CACNA2D2: variants seen among roughly 807,000 people sequenced by gnomAD.
CACNA2D2 encodes the protein voltage-dependent calcium channel subunit alpha-2/delta-2.
In CACNA2D2, 48 loss-of-function variants were observed where a neutral mutation model predicts 166.4. The ratio of observed to expected loss-of-function variants is 0.29; its 90% confidence interval spans 0.23 to 0.37. The LOEUF (loss-of-function observed/expected upper bound fraction) is 0.37. CACNA2D2 is among the 10% of genes least tolerant of loss of function. The pLI is 1.00. For missense variants in CACNA2D2, 1,122 were observed against 1,433.0 expected, an observed-to-expected ratio of 0.78 and a Z score of 3.50; for synonymous variants, 561 against 573.7, an observed-to-expected ratio of 0.98 and a Z score of 0.32.
chr3:50,435,112 C>T (rs1708249273), intron 2 of CACNA2D2, among the ~76,000 whole-genome samples: 1 of 150,838 alleles, frequency 6.6e-6, no homozygotes, highest in African/African-American at 2.5e-5. Context: ...TGGGCAGGTG[C>T]ATGTGGCAGT....
Position 50,381,110 on chromosome 3 carries a change from A to G in CACNA2D2, c.669T>C (p.Asn223=), listed in dbSNP as rs141327265. The change falls in exon 7 of 38, where the codon AAT becomes AAC. Residue 223 remains asparagine (N), a synonymous_variant. Transcript: ENST00000424201. The part of the protein sequence containing the change: ...DIYKGSTVIL[N]ELNWTEALEN... ...CCAGGGCCTCTGTCCAGTTGAGCTC[A>G]TTGAGGATGACAGTGGCTGGGGGGA... 2.4e-4 allele frequency: 377 copies of G among 1,584,188 alleles called. No individual in the cohort carries two copies. In the Middle Eastern group the frequency reaches 5.4e-3, roughly 23 times the overall value.
intron 1 of CACNA2D2, among the ~76,000 whole-genome samples, chr3:50,491,164 C>T (rs977076101): frequency 6.6e-6 from 1 of 152,218 alleles, no homozygotes; most frequent in African/African-American, 2.4e-5. Context: ...AGCCTCCTTG[C>T]TGAGGTCTCC....
At chr3:50,409,404 T>C (rs1031382987) in intron 3 of CACNA2D2, among the ~76,000 whole-genome samples, 15 of 152,224 alleles carry the variant, frequency 9.9e-5, no homozygotes, top group African/African-American at 3.4e-4. Flanking sequence ...CATGGCTGGT[T>C]GACCAAGTAG....
intron 2 of CACNA2D2, among the ~76,000 whole-genome samples, chr3:50,463,306 T>TC (rs1281795835): frequency 1.4e-4 from 17 of 119,560 alleles, no homozygotes; most frequent in Non-Finnish European, 8.1e-5. Flanking sequence ...CAAATTTCTC[T>TC]TTTTTTTTTT....
In CACNA2D2 at chr3:50,379,432, G is replaced by T. The variant is rs764348467; in HGVS notation, c.1152C>A (p.Asn384Lys). Residue 384 changes from asparagine (N) to lysine (K), a missense_variant and splice_region_variant, in exon 11 of 38, where the codon AAC becomes AAA. Physicochemically the swap from Asn to Lys is moderately conservative, Grantham distance 94. Around this residue, in one of 2 missense-constraint regions of CACNA2D2, gnomAD observed 840 missense variants for 1,166.8 expected, o/e 0.72. Transcript: ENST00000424201. The surrounding 1 kb of genome is among the most constrained non-coding windows in gnomAD (Gnocchi z 6.5). ...GFEYAFDQLQ[N>K]SNITRANCNK... ...CCACTTGCCCACCCATGGGGCTCAC[G>T]TTCTGCAGCTGGTCAAAGGCATACT... The T allele has an allele frequency of 2.5e-6, 4 of 1,613,292 alleles. No homozygotes were observed. Among genetic ancestry groups the T allele is most frequent in the Non-Finnish European group, 2.5e-6 (3 of 1,179,610 alleles).
chr3:50,402,115 A>C (rs1706479071), intron 3 of CACNA2D2, among the ~76,000 whole-genome samples: 2 of 152,228 alleles, frequency 1.3e-5, no homozygotes, highest in African/African-American at 4.8e-5. Context: ...CAAGTATTCC[A>C]CTGGCTTTCA....
rs140313752 is a variant in CACNA2D2, at chr3:50,469,247, C to T, written c.288+6871G>A. Among the ~76,000 whole-genome samples, 266 of 152,234 alleles carry T rather than the reference C, an allele frequency of 1.7e-3. 2 individuals are homozygous for T. The highest frequency in any genetic ancestry group is 6.0e-3 in the African/African-American group (248 of 41,542). On this transcript the variant is annotated intron_variant, in intron 2 of 37. Coordinates refer to ENST00000424201, the MANE Select transcript of CACNA2D2 (RefSeq NM_006030.4). ...AGGGGCCCTTCCTTTTGTCTCTGCC[C>T]ATCTCCTCCCCAACAGCATCTCTGC...
At chr3:50,430,459 C>G (rs1195921060) in intron 3 of CACNA2D2, among the ~76,000 whole-genome samples, 1 of 152,210 alleles carries the variant, frequency 6.6e-6, no homozygotes, top group Non-Finnish European at 1.5e-5. Context: ...ACCAGAAGTG[C>G]TGGGCAGGGA....
In CACNA2D2 at chr3:50,380,454, C is replaced by T. The variant is rs1302392061; in HGVS notation, c.842+294G>A. Among the ~76,000 whole-genome samples the T allele has an allele frequency of 6.6e-6, 1 of 152,154 alleles. No individual in the cohort carries two copies. Among genetic ancestry groups the T allele is most frequent in the Non-Finnish European group, 1.5e-5 (1 of 68,028 alleles). On this transcript the variant is annotated intron_variant, in intron 8 of 37. Transcript: ENST00000424201. The surrounding 1 kb of genome is among the most constrained non-coding windows in gnomAD (Gnocchi z 4.9). ...CTCAGACGGGTGGGGCAGGGACTGG[C>T]CAACCCTACAGAGGCTACATCTGCC... is the stretch of plus-strand genomic sequence containing the variant.
In CACNA2D2 at chr3:50,406,923, T is replaced by C. The variant is rs539745810; in HGVS notation, c.406-12755A>G. Among the ~76,000 whole-genome samples, 3 of 151,922 alleles carry C rather than the reference T, an allele frequency of 2.0e-5. No individual in the cohort carries two copies. The South Asian group carries it at 6.2e-4, about 31-fold the overall frequency. On this transcript the variant is annotated intron_variant, in intron 3 of 37. Transcript: ENST00000424201. ...AGACAGAGACAACTCATTCTTCACC[T>C]TTCTCTGTCCATCACCCTCCAGCAT...
chr3:50,414,806 G>A (rs2282756), intron 3 of CACNA2D2, among the ~76,000 whole-genome samples: 20,445 of 152,188 alleles, frequency 0.13, 2,276 homozygotes, highest in East Asian at 0.41. Flanking sequence ...CATTTAAATC[G>A]AAAACAACCC....
At chr3:50,468,938 C>A (rs996467306) in intron 2 of CACNA2D2, among the ~76,000 whole-genome samples, 6 of 150,978 alleles carry the variant, frequency 4.0e-5, no homozygotes, top group Non-Finnish European at 8.8e-5. Flanking sequence ...AAGCAATTTT[C>A]CTGCCTCAGC....
chr3:50,384,489 G>T, intron 5 of CACNA2D2, 152 bp from the exon 6 acceptor site: 1 of 925,922 alleles, frequency 1.1e-6, no homozygotes, highest in Non-Finnish European at 1.6e-6. Flanking sequence ...CAGATGGAGA[G>T]ACTCAGGGAC....
At chr3:50,451,468 T>C (rs1709101646) in intron 2 of CACNA2D2, among the ~76,000 whole-genome samples, 1 of 151,754 alleles carries the variant, frequency 6.6e-6, no homozygotes, top group African/African-American at 2.4e-5. Flanking sequence ...CCTGACACTT[T>C]GTTGAACACT....
chr3:50,407,461 G>A (rs1706778874), intron 3 of CACNA2D2, among the ~76,000 whole-genome samples: 1 of 152,212 alleles, frequency 6.6e-6, no homozygotes, highest in Non-Finnish European at 1.5e-5. Context: ...AAGGCCAGGG[G>A]GTGGAATGGG....
Position 50,373,380 on chromosome 3 carries a change from T to C in CACNA2D2, c.1984+1357A>G, listed in dbSNP as rs587657195. Among the ~76,000 whole-genome samples the C allele has an allele frequency of 2.0e-5, 3 of 146,976 alleles. No individual in the cohort carries two copies. In the East Asian group the frequency reaches 6.2e-4, roughly 30 times the overall value. On this transcript the variant is annotated intron_variant, in intron 22 of 37. Transcript: ENST00000424201. The stretch of plus-strand genomic sequence containing the variant: ...GCCTCCCTCCCAGTGACCTCGGGCG[T>C]GGTGGGCAGGCAGGGCCACAGGCTC...
chr3:50,435,324 C>T lies in CACNA2D2; in HGVS notation c.289-895G>A, dbSNP rs1464035758. On this transcript the variant is annotated intron_variant, in intron 2 of 37. Coordinates refer to ENST00000424201, the MANE Select transcript of CACNA2D2 (RefSeq NM_006030.4). The stretch of plus-strand genomic sequence containing the variant: ...GCGTGTGCGTGTGCGTGTGTGTGTG[C>T]ATTTGTATGCATCACATACTGCTGC... Among the ~76,000 whole-genome samples, 3 of 151,844 alleles carry T rather than the reference C, an allele frequency of 2.0e-5. No homozygotes were observed. In the East Asian group the frequency reaches 5.8e-4, roughly 29 times the overall value.
chr3:50,456,994 A>T (rs989978371), intron 2 of CACNA2D2, among the ~76,000 whole-genome samples: 2 of 152,234 alleles, frequency 1.3e-5, no homozygotes, highest in African/African-American at 4.8e-5. Context: ...TCATGCCTAT[A>T]ATCCCAGCAC....
chr3:50,441,994 A>C (rs1211027434), intron 2 of CACNA2D2, among the ~76,000 whole-genome samples: 1 of 152,216 alleles, frequency 6.6e-6, no homozygotes, highest in African/African-American at 2.4e-5. Context: ...AGGAATGCTG[A>C]GAAGGGACTC....
Sources: allele counts gnomAD v4.1 joint callset (sites outside exome capture counted in the v4.1 genomes callset), GRCh38; gene constraint gnomAD v4.1.1; regional missense constraint gnomAD v4.1.1; non-coding constraint Gnocchi (gnomAD v3.1); transcripts MANE v1.5; gene names NCBI Gene and HGNC (gene_info 2026-07-23, HGNC 2026-07-21).